ALDH1A1: variants seen among roughly 807,000 people sequenced by gnomAD.
ALDH1A1 encodes aldehyde dehydrogenase 1A1.
A neutral mutation model predicts 62.1 loss-of-function variants in ALDH1A1; 19 were observed. The observed-to-expected ratio is 0.31, with a 90% CI of 0.21 to 0.45. The LOEUF (loss-of-function observed/expected upper bound fraction) is 0.45, where lower values mean the gene tolerates loss of function less well. Ranked by LOEUF, ALDH1A1 falls within the 20% of genes least tolerant of loss-of-function variation. The pLI is 1.00. For missense variants in ALDH1A1, 521 were observed against 607.1 expected (o/e 0.86, Z 1.49); for synonymous variants, 231 against 215.9 (o/e 1.07, Z -0.61).
At chr9:72,933,350 C>T (rs1230465227) in intron 2 of ALDH1A1, among the ~76,000 whole-genome samples, 1 of 152,186 alleles carries the variant, frequency 6.6e-6, no homozygotes, top group Non-Finnish European at 1.5e-5. Context: ...AATCAAATCA[C>T]TATCCCAAAA....
intron 5 of ALDH1A1, 124 bp from the exon 6 acceptor site, chr9:72,925,736 T>A (rs751432901): frequency 5.4e-6 from 6 of 1,109,750 alleles, no homozygotes. Flanking sequence ...TGAAATCATC[T>A]GGCATATTAT....
intron 8 of ALDH1A1, among the ~76,000 whole-genome samples, chr9:72,918,190 G>C (rs1830087154): frequency 6.6e-6 from 1 of 152,162 alleles, no homozygotes; most frequent in African/African-American, 2.4e-5. Context: ...ATATAGTGGG[G>C]TTATATCAAA....
rs759138771 is a variant in ALDH1A1, at chr9:72,912,093, A to G, written c.1065T>C (p.Leu355=). The G allele has an allele frequency of 1.2e-6, 2 of 1,613,648 alleles. No homozygotes were observed. The highest frequency in any genetic ancestry group is 8.5e-7 in the Non-Finnish European group (1 of 1,179,686). ...QIDKEQYDKI[L]DLIESGKKEG... is the part of the protein sequence containing the mutation. ...CTTTCTTCCCACTCTCAATGAGGTC[A>G]AGTATTTTATCATATTGTTCCTTGT... Residue 355 remains leucine, a synonymous_variant, in exon 10 of 13, where the codon CTT becomes CTC. Coordinates refer to ENST00000297785, the MANE Select transcript of ALDH1A1 (RefSeq NM_000689.5).
At chr9:72,945,598 C>T (rs2118577854) in intron 1 of ALDH1A1, among the ~76,000 whole-genome samples, 1 of 152,010 alleles carries the variant, frequency 6.6e-6, no homozygotes, top group Non-Finnish European at 1.5e-5. Flanking sequence ...TCAACCTTTT[C>T]TCAGCTTAGG....
intron 2 of ALDH1A1, among the ~76,000 whole-genome samples, chr9:72,933,610 A>T (rs112596047): frequency 0.35 from 41,323 of 118,936 alleles, 6,255 homozygotes; most frequent in East Asian, 0.56. Context: ...AAAAAAAAAA[A>T]AAAGAAAAAG....
chr9:72,932,556 C>T lies in ALDH1A1; in HGVS notation c.172-1537G>A, dbSNP rs116135648. On this transcript the variant is annotated intron_variant, in intron 2 of 12. Transcript: ENST00000297785. Reference sequence around the variant, plus strand: ...AAGATTCTTTCAGTGTAATACATCACACACTGATATATCTCACTGTCTAAC... The same window carrying T: ...AAGATTCTTTCAGTGTAATACATCATACACTGATATATCTCACTGTCTAAC... 3.9e-3 allele frequency among the ~76,000 whole-genome samples: 591 copies of T among 152,278 alleles called. 3 individuals are homozygous for T. Among genetic ancestry groups the T allele is most frequent in the African/African-American group, 0.013 (558 of 41,552 alleles).
chr9:72,917,080 T>C lies in ALDH1A1; in HGVS notation c.875A>G (p.His292Arg). The C allele has an allele frequency of 3.1e-6, 5 of 1,604,954 alleles. No homozygotes were observed. Among genetic ancestry groups the C allele is most frequent in the Non-Finnish European group, 2.6e-6 (3 of 1,175,250 alleles). The stretch of plus-strand genomic sequence containing the variant: ...GCCCTGGTGGTAGAATACCCCATGG[T>C]GTGCAAATTCAACAGCATTGTCCAC... ...ADLDNAVEFA[H>R]HGVFYHQGQC... The change falls in exon 9 of 13, where the codon CAC (histidine) becomes CGC (arginine). Residue 292 changes from histidine to arginine, a missense_variant. Transcript: ENST00000297785.
At chr9:72,904,975 G>C (rs777565118) in intron 12 of ALDH1A1, among the ~76,000 whole-genome samples, 3 of 152,084 alleles carry the variant, frequency 2.0e-5, no homozygotes, top group Non-Finnish European at 4.4e-5. Flanking sequence ...TGAGAAAGTA[G>C]ACTGGTCATT....
chr9:72,931,554 T>C (rs1243244731), intron 2 of ALDH1A1, among the ~76,000 whole-genome samples: 1 of 152,186 alleles, frequency 6.6e-6, no homozygotes, highest in African/African-American at 2.4e-5. Flanking sequence ...CAGGTCAAGC[T>C]CAAGATCCAA....
At chr9:72,914,157 T>A (rs1321631749) in intron 9 of ALDH1A1, among the ~76,000 whole-genome samples, 1 of 152,162 alleles carries the variant, frequency 6.6e-6, no homozygotes, top group African/African-American at 2.4e-5. Flanking sequence ...GGTGTTTGAA[T>A]GGGTAAATTC....
chr9:72,935,574 C>T (rs1408573406), intron 2 of ALDH1A1, among the ~76,000 whole-genome samples: 1 of 152,082 alleles, frequency 6.6e-6, no homozygotes, highest in African/African-American at 2.4e-5. Context: ...TACTTTTATC[C>T]CCACCAATTA....
intron 1 of ALDH1A1, among the ~76,000 whole-genome samples, chr9:72,946,453 T>G (rs1028793309): frequency 3.3e-5 from 5 of 151,852 alleles, no homozygotes; most frequent in Non-Finnish European, 7.4e-5. Flanking sequence ...AGAGATAATA[T>G]CAGAAAACCC....
At chr9:72,941,536 G>A (rs1415982500) in intron 1 of ALDH1A1, among the ~76,000 whole-genome samples, 1 of 152,040 alleles carries the variant, frequency 6.6e-6, no homozygotes, top group African/African-American at 2.4e-5. Flanking sequence ...TCATTTTTAA[G>A]TGTCTGCCTT....
At chr9:72,908,571 G>GAA (rs1271096999) in intron 11 of ALDH1A1, among the ~76,000 whole-genome samples, 1 of 91,370 alleles carries the variant, frequency 1.1e-5, no homozygotes, top group Non-Finnish European at 2.4e-5. Context: ...AAGAAAGAAA[G>GAA]AAAGAAAGAA....
intron 9 of ALDH1A1, among the ~76,000 whole-genome samples, chr9:72,913,617 C>T (rs753095918): frequency 2.4e-4 from 36 of 152,120 alleles, no homozygotes; most frequent in African/African-American, 8.7e-4. Flanking sequence ...TCTGTGACCA[C>T]GTTGAATAAC....
chr9:72,909,882 A>G (rs1829959975), intron 10 of ALDH1A1, 123 bp from the exon 11 acceptor site: 2 of 795,766 alleles, frequency 2.5e-6, no homozygotes. Context: ...CTCATCTCAA[A>G]CCTATGTGTG....
intron 12 of ALDH1A1, among the ~76,000 whole-genome samples, chr9:72,904,862 C>G (rs1288518438): frequency 6.6e-6 from 1 of 152,126 alleles, no homozygotes; most frequent in Non-Finnish European, 1.5e-5. Flanking sequence ...GGTTATTTTG[C>G]ATGTCCTGCC....
At position 72,902,909 on chromosome 9, in the gene ALDH1A1, T is replaced by C. The variant is rs191851073; in HGVS notation, c.1434-1629A>G. ...GTCTCGAGTGAAGCCTGAGTTGGCA[T>C]TGGTAATAAACTTGCAAGTGATATC... On this transcript the variant is annotated intron_variant, in intron 12 of 12. Transcript: ENST00000297785. 4.1e-3 allele frequency among the ~76,000 whole-genome samples: 628 copies of C among 152,048 alleles called. 3 individuals are homozygous for C. Among genetic ancestry groups the C allele is most frequent in the African/African-American group, 0.014 (598 of 41,514 alleles).
chr9:72,905,326 C>A (rs375454106), intron 12 of ALDH1A1, among the ~76,000 whole-genome samples: 2 of 152,010 alleles, frequency 1.3e-5, no homozygotes, highest in Non-Finnish European at 2.9e-5. Flanking sequence ...ACCCTAGTTT[C>A]AAAAGCAATT....
Sources: allele counts gnomAD v4.1 joint callset (sites outside exome capture counted in the v4.1 genomes callset), GRCh38; gene constraint gnomAD v4.1.1; transcripts MANE v1.5; gene names NCBI Gene and HGNC (gene_info 2026-07-23, HGNC 2026-07-21).